ITPR2: variants seen among roughly 807,000 people sequenced by gnomAD.
ITPR2 encodes inositol 1,4,5-trisphosphate receptor type 2.
ITPR2 carries 207 observed loss-of-function variants against 317.1 expected under a neutral mutation model. That is an observed-to-expected ratio of 0.65 (90% CI 0.58 to 0.73). ITPR2 has a LOEUF of 0.73. Among genes scored for constraint, ITPR2 ranks in the 30% least tolerant of loss-of-function variants. ITPR2 has a pLI of 0.00. For synonymous variants in ITPR2, 1,156 were observed against 1,149.1 expected (o/e 1.01, Z -0.12); for missense variants, 2,613 against 3,284.0 (o/e 0.80, Z 4.99).
intron 45 of ITPR2, among the ~76,000 whole-genome samples, chr12:26,470,446 GTTA>G (rs1942269660): frequency 6.6e-6 from 1 of 152,122 alleles, no homozygotes; most frequent in African/African-American, 2.4e-5. Context: ...CTGACAAAGA[GTTA>G]TTATCCCTAA....
At chr12:26,811,638 G>C (rs1950750404) in intron 1 of ITPR2, among the ~76,000 whole-genome samples, 1 of 148,240 alleles carries the variant, frequency 6.7e-6, no homozygotes, top group Admixed American at 6.8e-5. Flanking sequence ...AGTGAGCCGA[G>C]ATGACGCCAC....
chr12:26,437,387 T>G (rs958703489), intron 47 of ITPR2, among the ~76,000 whole-genome samples: 8 of 152,256 alleles, frequency 5.3e-5, no homozygotes, highest in African/African-American at 1.7e-4. Flanking sequence ...CTTGTTTTCC[T>G]TCTCTTGGAA....
chr12:26,715,483 G>T, intron 7 of ITPR2, 38 bp from the exon 8 acceptor site: 1 of 1,581,078 alleles, frequency 6.3e-7, no homozygotes, highest in Admixed American at 1.8e-5. Flanking sequence ...ACAAACAGAT[G>T]TGAGAAGCAG....
At chr12:26,603,342 T>A (rs945461615) in intron 26 of ITPR2, among the ~76,000 whole-genome samples, 1 of 152,194 alleles carries the variant, frequency 6.6e-6, no homozygotes, top group Non-Finnish European at 1.5e-5. Flanking sequence ...ACACCAAAGA[T>A]ACTTAATTAT....
At chr12:26,647,326 C>T (rs2136878720) in intron 21 of ITPR2, among the ~76,000 whole-genome samples, 1 of 152,356 alleles carries the variant, frequency 6.6e-6, no homozygotes, top group South Asian at 2.1e-4. Flanking sequence ...ACATATCATG[C>T]TGTTCCACAG....
At chr12:26,513,911 A>T (rs1459982710) in intron 37 of ITPR2, among the ~76,000 whole-genome samples, 1 of 151,482 alleles carries the variant, frequency 6.6e-6, no homozygotes, top group Non-Finnish European at 1.5e-5. Context: ...GATCTCTAAC[A>T]TCCACTTGTT....
intron 37 of ITPR2, among the ~76,000 whole-genome samples, chr12:26,537,234 C>A (rs1944121994): frequency 6.6e-6 from 1 of 152,082 alleles, no homozygotes; most frequent in Admixed American, 6.6e-5. Context: ...GGAGTTGATA[C>A]CAACAGTTTA....
chr12:26,561,965 G>T lies in ITPR2; in HGVS notation c.4631-13C>A. Reference sequence around the variant, plus strand: ...CCACGATTTTTTGCTGAAAAAGAAAGATTTAAAATATTTCCCTCTTAATTT... The same window carrying T: ...CCACGATTTTTTGCTGAAAAAGAAATATTTAAAATATTTCCCTCTTAATTT... On this transcript the variant is annotated splice_polypyrimidine_tract_variant and intron_variant, in intron 34 of 56. Coordinates refer to ENST00000381340, the MANE Select transcript of ITPR2 (RefSeq NM_002223.4). 2 of 1,491,742 alleles carry T rather than the reference G, an allele frequency of 1.3e-6. No homozygotes were observed. Among genetic ancestry groups the T allele is most frequent in the Non-Finnish European group, 1.8e-6 (2 of 1,124,246 alleles). 92.4% of individuals were successfully genotyped at this position (1,491,742 alleles called of 1,614,324 possible).
At position 26,567,059 on chromosome 12, in the gene ITPR2, A is replaced by G. The variant is rs572947330; in HGVS notation, c.4631-5107T>C. 2.0e-5 allele frequency among the ~76,000 whole-genome samples: 3 copies of G among 152,358 alleles called. No homozygotes were observed. In the East Asian group the frequency reaches 5.8e-4, roughly 29 times the overall value. On this transcript the variant is annotated intron_variant, in intron 34 of 56. Coordinates refer to ENST00000381340, the MANE Select transcript of ITPR2 (RefSeq NM_002223.4). ...TAAAATGTTTCTCAAAACATGTTAC[A>G]AACAAGTTTCCACTGACATTTAAAC...
chr12:26,562,094 G>C, intron 34 of ITPR2, 142 bp from the exon 35 acceptor site: 1 of 561,088 alleles, frequency 1.8e-6, no homozygotes, highest in Non-Finnish European at 2.8e-6. Context: ...AACTGTAAAA[G>C]CTTCTAACCT....
At chr12:26,649,773 CTAGATAGA>C (rs71069259) in intron 21 of ITPR2, among the ~76,000 whole-genome samples, 24,265 of 147,372 alleles carry the variant, frequency 0.16, 1,963 homozygotes, top group Non-Finnish European at 0.18. Flanking sequence ...GATAGATAGA[CTAGATAGA>C]TAGATAGATA....
At chr12:26,671,026 C>A (rs1203939559) in intron 13 of ITPR2, among the ~76,000 whole-genome samples, 21 of 152,140 alleles carry the variant, frequency 1.4e-4, no homozygotes, top group African/African-American at 5.1e-4. Context: ...ATGAACAAAG[C>A]CTCCAAGAAA....
intron 48 of ITPR2, among the ~76,000 whole-genome samples, chr12:26,433,383 T>C (rs906480734): frequency 1.3e-5 from 2 of 152,174 alleles, no homozygotes; most frequent in African/African-American, 4.8e-5. Flanking sequence ...GTTAGTCCTA[T>C]TTCTGGGACT....
chr12:26,534,035 G>T (rs1344633180), intron 37 of ITPR2, among the ~76,000 whole-genome samples: 1 of 152,036 alleles, frequency 6.6e-6, no homozygotes, highest in Non-Finnish European at 1.5e-5. Flanking sequence ...TCTCTCCCTG[G>T]CATCTAATCC....
At chr12:26,411,943 C>T (rs1940563846) in intron 51 of ITPR2, among the ~76,000 whole-genome samples, 1 of 152,078 alleles carries the variant, frequency 6.6e-6, no homozygotes, top group South Asian at 2.1e-4. Flanking sequence ...TTCCATAGTC[C>T]CCAGGAATCC....
intron 55 of ITPR2, chr12:26,373,693 C>G (rs1939254191): frequency 6.6e-6 from 1 of 152,176 alleles, no homozygotes; most frequent in Non-Finnish European, 1.5e-5. Flanking sequence ...CTTCTGAGAT[C>G]AGAGGAGATC....
chr12:26,494,187 A>G lies in ITPR2; in HGVS notation c.5336T>C (p.Ile1779Thr), dbSNP rs1942878541. Reference protein sequence around the residue: ...RIFSEGIFLGIALLEGGNTQT... With the variant: ...RIFSEGIFLGTALLEGGNTQT... Reference sequence around the variant, plus strand: ...TGTATTTCCTCCTTCAAGCAAGGCAATGCCGAGGAAAATGCCTTCTGAAAA... The same window carrying G: ...TGTATTTCCTCCTTCAAGCAAGGCAGTGCCGAGGAAAATGCCTTCTGAAAA... Residue 1779 changes from isoleucine (I) to threonine (T), a missense_variant, in exon 39 of 57, where the codon ATT becomes ACT. Coordinates refer to ENST00000381340, the MANE Select transcript of ITPR2 (RefSeq NM_002223.4). 1.2e-6 allele frequency: 2 copies of G among 1,613,398 alleles called. No individual in the cohort carries two copies. Among genetic ancestry groups the G allele is most frequent in the Non-Finnish European group, 1.7e-6 (2 of 1,179,672 alleles).
At chr12:26,669,612 G>A (rs1207494166) in intron 13 of ITPR2, among the ~76,000 whole-genome samples, 2 of 152,220 alleles carry the variant, frequency 1.3e-5, no homozygotes, top group Non-Finnish European at 1.5e-5. Context: ...AGCTCCCAGC[G>A]TGAGTGAAGC....
intron 2 of ITPR2, among the ~76,000 whole-genome samples, chr12:26,739,267 G>C (rs1949188461): frequency 1.3e-5 from 2 of 152,168 alleles, no homozygotes; most frequent in Non-Finnish European, 2.9e-5. Flanking sequence ...AAAGTTAAAA[G>C]ATACTTATTA....
Sources: allele counts gnomAD v4.1 joint callset (sites outside exome capture counted in the v4.1 genomes callset), GRCh38; gene constraint gnomAD v4.1.1; transcripts MANE v1.5; gene names NCBI Gene and HGNC (gene_info 2026-07-23, HGNC 2026-07-21).